Variants in CDH13 observed in about 807,000 individuals in gnomAD.
CDH13 encodes the protein cadherin 13, also known as cadherin-13.
CDH13 carries 24 observed loss-of-function variants against 63.8 expected under a neutral mutation model. That is an observed-to-expected ratio of 0.38 (90% CI 0.27 to 0.53). The LOEUF is 0.53. Among genes scored for constraint, CDH13 ranks in the 20% least tolerant of loss-of-function variants. The pLI is 0.85. For synonymous variants in CDH13, 503 were observed against 355.3 expected, an observed-to-expected ratio of 1.42 and a Z score of -4.67; for missense variants, 1,049 against 903.1, an observed-to-expected ratio of 1.16 and a Z score of -2.07.
chr16:82,768,716 T>C (rs527818561), intron 1 of CDH13, among the ~76,000 whole-genome samples: 1 of 152,288 alleles, frequency 6.6e-6, no homozygotes, highest in Admixed American at 6.5e-5. Flanking sequence ...AACATTTCCA[T>C]TGGTTGAGGG....
chr16:82,653,889 G>C (rs1040024969), intron 1 of CDH13, among the ~76,000 whole-genome samples: 2 of 152,114 alleles, frequency 1.3e-5, no homozygotes, highest in Non-Finnish European at 2.9e-5. Flanking sequence ...CCCTGAGAGA[G>C]AAGAGAAGGG....
rs917870771 is a variant in CDH13 at position 83,613,740 on chromosome 16, C to T, written c.1101+11146C>T. On this transcript the variant is annotated intron_variant, in intron 8 of 13. Transcript: ENST00000567109. ...CTCAGCTGCCTTGGAGGCTGAGGCA[C>T]GAGAATCACTTGAACCCCAGAGTTG... is the stretch of plus-strand genomic sequence containing the variant. Among the ~76,000 whole-genome samples the T allele has an allele frequency of 3.9e-5, 6 of 151,964 alleles. No homozygotes were observed. In the East Asian group the frequency reaches 5.8e-4, roughly 15 times the overall value.
intron 6 of CDH13, among the ~76,000 whole-genome samples, chr16:83,428,769 T>C (rs893012087): frequency 6.6e-6 from 1 of 152,266 alleles, no homozygotes; most frequent in African/African-American, 2.4e-5. Flanking sequence ...TATTTATTTG[T>C]TGATGTTTTA....
intron 1 of CDH13, among the ~76,000 whole-genome samples, chr16:82,647,866 C>A (rs556200196): frequency 6.6e-6 from 1 of 152,272 alleles, no homozygotes; most frequent in South Asian, 2.1e-4. Context: ...CAAATCTCAT[C>A]TTGAATTATA....
At chr16:83,346,242 G>T (rs1400954426) in intron 6 of CDH13, among the ~76,000 whole-genome samples, 1 of 152,180 alleles carries the variant, frequency 6.6e-6, no homozygotes, top group Admixed American at 6.5e-5. Flanking sequence ...AAGGAGAGAG[G>T]GCAGGTGAAG....
In CDH13 at chr16:83,551,665, G is replaced by A. The variant is rs573839000; in HGVS notation, c.961-50789G>A. On this transcript the variant is annotated intron_variant, in intron 7 of 13. Coordinates refer to ENST00000567109, the MANE Select transcript of CDH13 (RefSeq NM_001257.5). The stretch of plus-strand genomic sequence containing the variant: ...CTAGCAAAACACTGTCTTTGTTTAA[G>A]ATGTGTCATCTGGGGACCTTTTTCT... 2.6e-5 allele frequency among the ~76,000 whole-genome samples: 4 copies of A among 152,258 alleles called. No homozygotes were observed. The East Asian group carries it at 7.7e-4, about 29-fold the overall frequency.
chr16:83,271,431 A>AAAAAAAAAAAAAAAAAAAAAC, intron 5 of CDH13, among the ~76,000 whole-genome samples: 1 of 127,286 alleles, frequency 7.9e-6, no homozygotes, highest in Non-Finnish European at 1.6e-5. Flanking sequence ...ATAAAAAAAA[A>AAAAAAAAAAAAAAAAAAAAAC]AAAAAAAAAA....
At position 83,643,454 on chromosome 16, in the gene CDH13, C is replaced by T. The variant is rs1173775703; in HGVS notation, c.1102-27336C>T. ...CTGTCTCACGATTTGTATCTTTTTC[C>T]TTGTCTGTAAAAAGGGAGAACTATT... On this transcript the variant is annotated intron_variant, in intron 8 of 13. Transcript: ENST00000567109. Among the ~76,000 whole-genome samples, 3 of 152,214 alleles carry T rather than the reference C, an allele frequency of 2.0e-5. No homozygotes were observed. The South Asian group carries it at 6.2e-4, about 32-fold the overall frequency.
chr16:82,651,129 T>A (rs1057032718), intron 1 of CDH13, among the ~76,000 whole-genome samples: 1 of 152,192 alleles, frequency 6.6e-6, no homozygotes, highest in African/African-American at 2.4e-5. Flanking sequence ...TTATCTAATT[T>A]TAGTGGGTGG....
chr16:83,424,122 A>G (rs1180642074), intron 6 of CDH13, among the ~76,000 whole-genome samples: 1 of 151,876 alleles, frequency 6.6e-6, no homozygotes, highest in Non-Finnish European at 1.5e-5. Flanking sequence ...AACGTACTGA[A>G]CAGTCTAGAA....
chr16:83,676,697 G>T (rs559508454), intron 9 of CDH13, among the ~76,000 whole-genome samples: 1 of 152,326 alleles, frequency 6.6e-6, no homozygotes, highest in Non-Finnish European at 1.5e-5. Context: ...GCTGGGAGTT[G>T]TTCTAGGTGA....
intron 11 of CDH13, among the ~76,000 whole-genome samples, chr16:83,756,945 T>C (rs180892757): frequency 2.0e-5 from 3 of 152,294 alleles, no homozygotes; most frequent in Admixed American, 2.0e-4. Flanking sequence ...AACTAACATA[T>C]ATAGAACTCT....
At chr16:83,138,827 G>A (rs2036409817) in intron 4 of CDH13, among the ~76,000 whole-genome samples, 1 of 152,096 alleles carries the variant, frequency 6.6e-6, no homozygotes, top group Non-Finnish European at 1.5e-5. Flanking sequence ...GTGACGAAGG[G>A]CTCCCGGGCA....
chr16:83,707,710 C>T (rs931502888), intron 10 of CDH13, among the ~76,000 whole-genome samples: 26 of 151,162 alleles, frequency 1.7e-4, no homozygotes, highest in African/African-American at 6.1e-4. Context: ...ATCTGGTGGC[C>T]GTTCAATAAA....
At chr16:82,910,939 G>T (rs1421479049) in intron 2 of CDH13, among the ~76,000 whole-genome samples, 1 of 152,146 alleles carries the variant, frequency 6.6e-6, no homozygotes, top group African/African-American at 2.4e-5. Flanking sequence ...GAACATGACA[G>T]GGGTTTCTTT....
intron 7 of CDH13, among the ~76,000 whole-genome samples, chr16:83,520,085 C>G (rs1450740426): frequency 2.0e-5 from 3 of 152,082 alleles, no homozygotes; most frequent in Non-Finnish European, 4.4e-5. Flanking sequence ...CAAGTGCTGA[C>G]AAGTATGTAG....
At chr16:82,942,018 G>C (rs958526386) in intron 2 of CDH13, among the ~76,000 whole-genome samples, 1 of 152,090 alleles carries the variant, frequency 6.6e-6, no homozygotes, top group Non-Finnish European at 1.5e-5. Context: ...TAATGGTGTC[G>C]TTTGATAAAC....
chr16:83,484,273 C>A (rs781713113), intron 6 of CDH13, among the ~76,000 whole-genome samples: 2 of 152,200 alleles, frequency 1.3e-5, no homozygotes, highest in Non-Finnish European at 2.9e-5. Context: ...TGAATTCTAT[C>A]TTTCCTTTAG....
chr16:82,886,360 G>A (rs963238689), intron 2 of CDH13, among the ~76,000 whole-genome samples: 3 of 152,186 alleles, frequency 2.0e-5, no homozygotes, highest in Admixed American at 6.5e-5. Flanking sequence ...ATATGGTTTT[G>A]ATGGCCAGGT....
Sources: gnomAD v4.1 joint callset for allele counts (sites outside exome capture counted in the v4.1 genomes callset) on GRCh38, gnomAD v4.1.1 for gene constraint, MANE v1.5 for transcripts, NCBI Gene and HGNC (gene_info 2026-07-23, HGNC 2026-07-21) for gene names.